HS6ST3: variants seen among roughly 807,000 people sequenced by gnomAD.
HS6ST3 encodes the protein heparan sulfate 6-O-sulfotransferase 3.
A neutral mutation model predicts 36.7 loss-of-function variants in HS6ST3; 12 were observed. The ratio of observed to expected loss-of-function variants is 0.33; its 90% CI spans 0.21 to 0.53. HS6ST3 has a LOEUF of 0.53. Ranked by LOEUF, HS6ST3 falls within the 20% of genes least tolerant of loss-of-function variation. HS6ST3 has a pLI of 0.95. For synonymous variants in HS6ST3, 240 were observed against 257.5 expected, an observed-to-expected ratio of 0.93 and a Z score of 0.65; for missense variants, 584 against 640.9, an observed-to-expected ratio of 0.91 and a Z score of 0.96.
intron 1 of HS6ST3, among the ~76,000 whole-genome samples, chr13:96,284,400 G>A (rs2139395389): frequency 6.6e-6 from 1 of 152,302 alleles, no homozygotes; most frequent in South Asian, 2.1e-4. Context: ...AGGTCCAAGA[G>A]TCCCAAAGCT....
chr13:96,793,645 A>G (rs753624207), intron 1 of HS6ST3, among the ~76,000 whole-genome samples: 3 of 152,066 alleles, frequency 2.0e-5, no homozygotes, highest in Non-Finnish European at 4.4e-5. Flanking sequence ...TTTTTACCTC[A>G]ATGTTTCCTG....
intron 1 of HS6ST3, among the ~76,000 whole-genome samples, chr13:96,343,047 T>C (rs1026964401): frequency 4.6e-5 from 7 of 152,184 alleles, no homozygotes; most frequent in Admixed American, 1.3e-4. Context: ...ATGGATACTT[T>C]CCTTTCATCG....
At chr13:96,165,061 T>C (rs2054154182) in intron 1 of HS6ST3, among the ~76,000 whole-genome samples, 1 of 152,236 alleles carries the variant, frequency 6.6e-6, no homozygotes, top group Non-Finnish European at 1.5e-5. Flanking sequence ...TATATTTTAC[T>C]ATTTCATACC....
chr13:96,248,653 T>C (rs2209901), intron 1 of HS6ST3, among the ~76,000 whole-genome samples: 1,711 of 152,314 alleles, frequency 0.011, 31 homozygotes, highest in African/African-American at 0.039. Flanking sequence ...TGGATGGCTA[T>C]GCAGGTGTTT....
chr13:96,799,006 G>A (rs1877977726), intron 1 of HS6ST3, among the ~76,000 whole-genome samples: 1 of 152,046 alleles, frequency 6.6e-6, no homozygotes, highest in Non-Finnish European at 1.5e-5. Context: ...AGTCAAATTA[G>A]ATGAGAGCCC....
chr13:96,790,402 G>A (rs145088985), intron 1 of HS6ST3, among the ~76,000 whole-genome samples: 4 of 151,526 alleles, frequency 2.6e-5, no homozygotes, highest in Non-Finnish European at 5.9e-5. Context: ...GGGATAACAC[G>A]TAAAATTAGG....
At chr13:96,638,637 TCTC>T (rs1046670084) in intron 1 of HS6ST3, among the ~76,000 whole-genome samples, 15 of 151,918 alleles carry the variant, frequency 9.9e-5, no homozygotes, top group Non-Finnish European at 1.9e-4. Flanking sequence ...GCTTGGCACT[TCTC>T]CTTCCTGCCA....
At chr13:96,779,386 G>A (rs1877471403) in intron 1 of HS6ST3, among the ~76,000 whole-genome samples, 1 of 151,750 alleles carries the variant, frequency 6.6e-6, no homozygotes, top group South Asian at 2.1e-4. Flanking sequence ...TTTTTCCATA[G>A]GAATTTGTCC....
At chr13:96,145,315 G>C (rs1303441400) in intron 1 of HS6ST3, among the ~76,000 whole-genome samples, 1 of 150,170 alleles carries the variant, frequency 6.7e-6, no homozygotes, top group African/African-American at 2.4e-5. Flanking sequence ...TCCAGCACCT[G>C]TTGTTTCCTG....
At chr13:96,698,402 T>C (rs1016011539) in intron 1 of HS6ST3, among the ~76,000 whole-genome samples, 1 of 152,192 alleles carries the variant, frequency 6.6e-6, no homozygotes, top group African/African-American at 2.4e-5. Flanking sequence ...TGCATAGTAT[T>C]CCATGGTGTG....
At chr13:96,658,159 T>G (rs2056632084) in intron 1 of HS6ST3, among the ~76,000 whole-genome samples, 1 of 152,080 alleles carries the variant, frequency 6.6e-6, no homozygotes, top group East Asian at 1.9e-4. Context: ...TCTGTGAGAT[T>G]TATTCACATT....
intron 1 of HS6ST3, among the ~76,000 whole-genome samples, chr13:96,811,884 G>C (rs1878323347): frequency 6.6e-6 from 1 of 152,186 alleles, no homozygotes; most frequent in Admixed American, 6.5e-5. Context: ...GGAAGAATAT[G>C]CTTAGATCAG....
intron 1 of HS6ST3, among the ~76,000 whole-genome samples, chr13:96,748,985 G>A (rs994022528): frequency 5.9e-5 from 9 of 152,008 alleles, no homozygotes; most frequent in Non-Finnish European, 1.0e-4. Flanking sequence ...AAATGTCTCA[G>A]TTAAATACTT....
chr13:96,127,437 C>T (rs1034826497), intron 1 of HS6ST3, among the ~76,000 whole-genome samples: 2 of 152,174 alleles, frequency 1.3e-5, no homozygotes, highest in African/African-American at 4.8e-5. Flanking sequence ...CTATGAGAAT[C>T]TAATGCTGCT....
At chr13:96,727,816 C>T (rs955771699) in intron 1 of HS6ST3, among the ~76,000 whole-genome samples, 2 of 152,178 alleles carry the variant, frequency 1.3e-5, no homozygotes, top group Non-Finnish European at 2.9e-5. Context: ...CACCTCTCAG[C>T]CTCTTCCCAT....
intron 1 of HS6ST3, among the ~76,000 whole-genome samples, chr13:96,200,309 C>T (rs1287145818): frequency 6.6e-6 from 1 of 152,146 alleles, no homozygotes; most frequent in Non-Finnish European, 1.5e-5. Flanking sequence ...TTTTTTGGAA[C>T]TTATCTCTTA....
chr13:96,814,100 G>A (rs186637737), intron 1 of HS6ST3, among the ~76,000 whole-genome samples: 348 of 152,162 alleles, frequency 2.3e-3, no homozygotes, highest in African/African-American at 7.9e-3. Context: ...TATCTGAATT[G>A]TCATCCTTGT....
At chr13:96,464,019 GTTTT>G (rs66703746) in intron 1 of HS6ST3, among the ~76,000 whole-genome samples, 26 of 127,432 alleles carry the variant, frequency 2.0e-4, no homozygotes, top group African/African-American at 7.4e-4. Flanking sequence ...CCATAGACAG[GTTTT>G]TTTTTTTTTT....
At chr13:96,550,256 G>T (rs945861527) in intron 1 of HS6ST3, among the ~76,000 whole-genome samples, 10 of 152,062 alleles carry the variant, frequency 6.6e-5, no homozygotes, top group African/African-American at 2.4e-4. Flanking sequence ...TTCTCTGTCA[G>T]TTCGTGGGAG....
Sources: allele counts gnomAD v4.1 joint callset (sites outside exome capture counted in the v4.1 genomes callset), GRCh38; gene constraint gnomAD v4.1.1; transcripts MANE v1.5; gene names NCBI Gene and HGNC (gene_info 2026-07-23, HGNC 2026-07-21).